Variants in THSD7A observed in about 807,000 individuals in gnomAD.
The protein encoded by THSD7A is thrombospondin type-1 domain-containing protein 7A.
Under a neutral mutation model 231.3 loss-of-function variants are expected in THSD7A, and 96 were observed. That is an observed-to-expected ratio of 0.41 (90% CI 0.35 to 0.49). The LOEUF (loss-of-function observed/expected upper bound fraction) is 0.49, where lower values mean the gene tolerates loss of function less well. THSD7A is among the 20% of genes least tolerant of loss of function. The pLI is 0.05. For synonymous variants in THSD7A, 940 were observed against 743.3 expected, an observed-to-expected ratio of 1.26 and a Z score of -4.30; for missense variants, 2,290 against 2,070.2, an observed-to-expected ratio of 1.11 and a Z score of -2.06.
intron 1 of THSD7A, among the ~76,000 whole-genome samples, chr7:11,782,455 T>A (rs1583287067): frequency 1.3e-5 from 2 of 152,126 alleles, no homozygotes; most frequent in African/African-American, 4.8e-5. Context: ...CCATTCTTTC[T>A]CAGTAATTCT....
intron 6 of THSD7A, among the ~76,000 whole-genome samples, chr7:11,488,131 T>C (rs1201913922): frequency 2.0e-5 from 3 of 152,156 alleles, no homozygotes; most frequent in Non-Finnish European, 2.9e-5. Flanking sequence ...GATCCCAGGA[T>C]TGTAATTTTG....
intron 4 of THSD7A, among the ~76,000 whole-genome samples, chr7:11,569,474 G>C (rs747099269): frequency 2.0e-5 from 3 of 152,122 alleles, no homozygotes; most frequent in Non-Finnish European, 2.9e-5. Flanking sequence ...AAATCACAAT[G>C]AGAGATCATC....
intron 1 of THSD7A, among the ~76,000 whole-genome samples, chr7:11,683,794 A>G (rs1489058042): frequency 6.6e-6 from 1 of 152,072 alleles, no homozygotes; most frequent in Non-Finnish European, 1.5e-5. Flanking sequence ...TACCAGATGT[A>G]CAAACAAGAG....
rs200946356 is a variant in THSD7A at position 11,636,546 on chromosome 7, G to A, written c.606C>T (p.Ala202=). The change falls in exon 2 of 28, where the codon GCC becomes GCT. Residue 202 remains alanine, a synonymous_variant. Transcript: ENST00000423059. The surrounding 1 kb of genome is among the most constrained non-coding windows in gnomAD (Gnocchi z 10.0). ...QQDCIVSEFS[A]WSECSKTCGS... Reference sequence around the variant, plus strand: ...CGCAGGTCTTGGAGCATTCGGACCAGGCAGAAAATTCAGACACGATGCAAT... The same window carrying A: ...CGCAGGTCTTGGAGCATTCGGACCAAGCAGAAAATTCAGACACGATGCAAT... The A allele has an allele frequency of 1.2e-6, 2 of 1,613,958 alleles. No homozygotes were observed. The highest frequency in any genetic ancestry group is 1.3e-5 in the African/African-American group (1 of 75,038).
chr7:11,598,043 G>A (rs1780427352), intron 2 of THSD7A, among the ~76,000 whole-genome samples: 1 of 152,288 alleles, frequency 6.6e-6, no homozygotes, highest in Admixed American at 6.5e-5. Flanking sequence ...GCAGCACTAA[G>A]CCCCTTTCTA....
At chr7:11,600,786 T>G (rs1562759881) in intron 2 of THSD7A, among the ~76,000 whole-genome samples, 1 of 152,232 alleles carries the variant, frequency 6.6e-6, no homozygotes, top group Admixed American at 6.5e-5. Flanking sequence ...ATGCAACAAC[T>G]CATGTTCAAT....
chr7:11,546,079 C>T (rs1789369548), intron 4 of THSD7A, among the ~76,000 whole-genome samples: 1 of 152,120 alleles, frequency 6.6e-6, no homozygotes, highest in Admixed American at 6.5e-5. Context: ...TTGGTAGGTA[C>T]CACCATTAGA....
chr7:11,780,036 C>G (rs1583284767), intron 1 of THSD7A, among the ~76,000 whole-genome samples: 1 of 152,192 alleles, frequency 6.6e-6, no homozygotes, highest in Non-Finnish European at 1.5e-5. Context: ...TAGTCTGGGT[C>G]TGGGGAAGTT....
intron 4 of THSD7A, among the ~76,000 whole-genome samples, chr7:11,560,183 A>G (rs1790018920): frequency 6.6e-6 from 1 of 152,168 alleles, no homozygotes; most frequent in Admixed American, 6.5e-5. Context: ...TAATGATACC[A>G]TTCATATAAA....
intron 1 of THSD7A, among the ~76,000 whole-genome samples, chr7:11,666,133 GT>G (rs1317497069): frequency 1.2e-4 from 19 of 152,086 alleles, no homozygotes; most frequent in Non-Finnish European, 2.6e-4. Context: ...GTGTTCAAGT[GT>G]CAGATATTAA....
intron 1 of THSD7A, chr7:11,820,807 C>T (rs11972583): frequency 0.32 from 344,605 of 1,060,958 alleles, 59,844 homozygotes; most frequent in East Asian, 0.55. Context: ...ACGTGCCTCT[C>T]GCTCTCCGGT....
At position 11,370,802 on chromosome 7, in the gene THSD7A, A is replaced by G. The variant is rs1418209597; in HGVS notation, c.*4992T>C. On this transcript the variant is annotated 3_prime_UTR_variant, in exon 28 of 28. Transcript: ENST00000423059. ...ACAGATTGCAAATTTTAATAAAGTT[A>G]TATTTTACAATGATAGATACTGATC... 6 of 152,322 alleles carry G rather than the reference A, an allele frequency of 3.9e-5. No individual in the cohort carries two copies. In the East Asian group the frequency reaches 1.2e-3, roughly 29 times the overall value. 9.4% of individuals were successfully genotyped at this position (152,322 alleles called of 1,614,324 possible).
chr7:11,680,734 T>C (rs1048514504), intron 1 of THSD7A, among the ~76,000 whole-genome samples: 3 of 152,088 alleles, frequency 2.0e-5, no homozygotes, highest in African/African-American at 7.2e-5. Context: ...GAAATAAGAA[T>C]GCTTTTACAG....
chr7:11,425,730 T>TTACACA (rs1272613867), intron 15 of THSD7A, among the ~76,000 whole-genome samples: 1 of 86,752 alleles, frequency 1.2e-5, no homozygotes, highest in Non-Finnish European at 2.3e-5. Flanking sequence ...ATCCCTTATT[T>TTACACA]TACACACACA....
intron 7 of THSD7A, 86 bp downstream of exon 7, chr7:11,481,702 G>A (rs1786430515): frequency 6.7e-6 from 9 of 1,348,950 alleles, no homozygotes; most frequent in Admixed American, 4.9e-5. Flanking sequence ...GACTTTCATA[G>A]AATATCATCT....
chr7:11,548,907 G>T (rs1166678788), intron 4 of THSD7A, among the ~76,000 whole-genome samples: 2 of 150,338 alleles, frequency 1.3e-5, no homozygotes, highest in Non-Finnish European at 1.5e-5. Flanking sequence ...ATGGACAAAA[G>T]CTGTAAGTAT....
intron 2 of THSD7A, among the ~76,000 whole-genome samples, chr7:11,607,539 T>G (rs1780773257): frequency 6.6e-6 from 1 of 151,770 alleles, no homozygotes; most frequent in South Asian, 2.1e-4. Context: ...GATTGAACCT[T>G]TAAAAAAAAA....
chr7:11,531,008 C>G (rs1788687894), intron 6 of THSD7A, among the ~76,000 whole-genome samples: 1 of 152,016 alleles, frequency 6.6e-6, no homozygotes, highest in Non-Finnish European at 1.5e-5. Context: ...AAGACTCTGT[C>G]ACAAAAACAA....
intron 1 of THSD7A, among the ~76,000 whole-genome samples, chr7:11,805,423 T>G (rs907523659): frequency 5.9e-5 from 9 of 151,526 alleles, no homozygotes; most frequent in African/African-American, 2.2e-4. Flanking sequence ...AGACAAAAAC[T>G]CATATACACA....
Sources: gnomAD v4.1 joint callset for allele counts (sites outside exome capture counted in the v4.1 genomes callset) on GRCh38, gnomAD v4.1.1 for gene constraint, Gnocchi (gnomAD v3.1) non-coding constraint, MANE v1.5 for transcripts, NCBI Gene and HGNC (gene_info 2026-07-23, HGNC 2026-07-21) for gene names.